Variants in LRP1B observed in about 807,000 individuals in gnomAD.
The protein encoded by LRP1B is LDL receptor related protein 1B.
A neutral mutation model predicts 556.6 loss-of-function variants in LRP1B; 217 were observed. The observed-to-expected ratio is 0.39, with a 90% confidence interval of 0.35 to 0.44. LRP1B has a LOEUF of 0.44. Ranked by LOEUF, LRP1B falls within the 20% of genes least tolerant of loss-of-function variation. LRP1B has a pLI of 1.00. For missense variants in LRP1B, 5,053 were observed against 5,620.8 expected (o/e 0.90, Z 3.23); for synonymous variants, 2,047 against 1,865.8 (o/e 1.10, Z -2.50).
chr2:141,895,100 A>T (rs1025531817), intron 1 of LRP1B, among the ~76,000 whole-genome samples: 1 of 151,926 alleles, frequency 6.6e-6, no homozygotes, highest in African/African-American at 2.4e-5. Flanking sequence ...ACTTATATAT[A>T]ATTTTGATCT....
At chr2:141,837,771 G>A (rs1381645445) in intron 1 of LRP1B, among the ~76,000 whole-genome samples, 1 of 152,064 alleles carries the variant, frequency 6.6e-6, no homozygotes, top group Non-Finnish European at 1.5e-5. Flanking sequence ...TAAAGGACTA[G>A]GTAGATGAAT....
intron 3 of LRP1B, among the ~76,000 whole-genome samples, chr2:141,345,176 A>T (rs868781405): frequency 3.9e-5 from 6 of 151,904 alleles, no homozygotes; most frequent in Middle Eastern, 3.4e-3. Context: ...GGAAAAAAAA[A>T]AAAACCCACA....
intron 35 of LRP1B, among the ~76,000 whole-genome samples, chr2:140,743,282 T>C (rs1309511961): frequency 1.3e-5 from 2 of 152,176 alleles, no homozygotes; most frequent in East Asian, 3.8e-4. Context: ...CATCTTTGTC[T>C]GTGGTTCTAA....
intron 15 of LRP1B, among the ~76,000 whole-genome samples, chr2:141,000,188 G>A (rs1697376767): frequency 6.6e-6 from 1 of 151,838 alleles, no homozygotes; most frequent in South Asian, 2.1e-4. Context: ...CAAAGTGTTG[G>A]GATTACAGCT....
At chr2:142,051,045 G>C (rs1264067963) in intron 1 of LRP1B, among the ~76,000 whole-genome samples, 1 of 152,036 alleles carries the variant, frequency 6.6e-6, no homozygotes, top group Non-Finnish European at 1.5e-5. Context: ...AAAAATGTAA[G>C]ATTGAGAGAA....
intron 43 of LRP1B, among the ~76,000 whole-genome samples, chr2:140,572,108 C>T (rs1681345546): frequency 6.6e-6 from 1 of 151,552 alleles, no homozygotes; most frequent in African/African-American, 2.4e-5. Context: ...AAAAAGACCT[C>T]ACAAACAGAG....
chr2:141,053,979 A>G (rs565756409), intron 10 of LRP1B, among the ~76,000 whole-genome samples: 5 of 152,010 alleles, frequency 3.3e-5, no homozygotes, highest in Non-Finnish European at 7.4e-5. Flanking sequence ...CAGAAGGCCT[A>G]GAAACATGAG....
intron 3 of LRP1B, among the ~76,000 whole-genome samples, chr2:141,465,635 C>T (rs569561537): frequency 1.3e-5 from 2 of 149,946 alleles, no homozygotes; most frequent in African/African-American, 2.5e-5. Flanking sequence ...CTGCAACCTC[C>T]ACCTCCCAGG....
At chr2:141,575,700 G>C (rs1046516372) in intron 2 of LRP1B, among the ~76,000 whole-genome samples, 3 of 148,764 alleles carry the variant, frequency 2.0e-5, no homozygotes, top group Non-Finnish European at 3.0e-5. Flanking sequence ...GCAATCTACT[G>C]ATCTAAGGTC....
intron 35 of LRP1B, among the ~76,000 whole-genome samples, chr2:140,757,658 A>T (rs1478559171): frequency 6.6e-6 from 1 of 152,208 alleles, no homozygotes; most frequent in Non-Finnish European, 1.5e-5. Flanking sequence ...AGGCCGGCGG[A>T]TCATTTGAGG....
chr2:140,803,518 T>TC (rs1334213498), intron 32 of LRP1B, among the ~76,000 whole-genome samples: 2 of 152,008 alleles, frequency 1.3e-5, no homozygotes, highest in African/African-American at 4.8e-5. Context: ...CAGGATGGTC[T>TC]CCATCTCCTG....
chr2:141,576,813 T>A (rs1686768760), intron 2 of LRP1B, among the ~76,000 whole-genome samples: 1 of 150,448 alleles, frequency 6.6e-6, no homozygotes, highest in Admixed American at 6.6e-5. Flanking sequence ...ACTCAGGTCT[T>A]TTCTTTTTTT....
At chr2:141,633,967 G>A (rs753881708) in intron 2 of LRP1B, among the ~76,000 whole-genome samples, 1 of 151,672 alleles carries the variant, frequency 6.6e-6, no homozygotes, top group Non-Finnish European at 1.5e-5. Flanking sequence ...TTGATTCTAC[G>A]GAGATTAACT....
intron 1 of LRP1B, among the ~76,000 whole-genome samples, chr2:142,093,192 G>C (rs564066243): frequency 1.3e-5 from 2 of 152,088 alleles, no homozygotes; most frequent in South Asian, 4.1e-4. Flanking sequence ...CTAACATTGT[G>C]TAGAATTATA....
rs71338143 is a variant in LRP1B at position 141,905,763 on chromosome 2, A to ACGTGTGTGTGTGTGTGT, written c.83-95363_83-95362insACACACACACACACACG. Among the ~76,000 whole-genome samples, 35 of 115,200 alleles carry ACGTGTGTGTGTGTGTGT rather than the reference A, an allele frequency of 3.0e-4. 2 individuals are homozygous for ACGTGTGTGTGTGTGTGT. Among genetic ancestry groups the ACGTGTGTGTGTGTGTGT allele is most frequent in the East Asian group, 8.6e-4 (3 of 3,494 alleles). The allele number at this position is 115,200 out of a possible 152,430, so 75.6% of individuals were successfully genotyped here. On this transcript the variant is annotated intron_variant, in intron 1 of 90. Transcript: ENST00000389484. ...GGGAGAAAATGGATCTGGTTTGAAT[A>ACGTGTGTGTGTGTGTGT]GATGTGTGTGTGTGTGTGTGTGTGT... is the stretch of plus-strand genomic sequence containing the variant.
At chr2:141,571,850 C>G (rs1574091273) in intron 2 of LRP1B, among the ~76,000 whole-genome samples, 2 of 152,018 alleles carry the variant, frequency 1.3e-5, no homozygotes, top group South Asian at 4.2e-4. Context: ...GACCACCTTG[C>G]TGAAATAAGA....
intron 7 of LRP1B, among the ~76,000 whole-genome samples, chr2:141,080,373 T>C (rs1342392795): frequency 1.3e-5 from 2 of 152,200 alleles, no homozygotes; most frequent in Non-Finnish European, 2.9e-5. Context: ...GTTCTGTTTT[T>C]TCTGCATCCT....
intron 1 of LRP1B, among the ~76,000 whole-genome samples, chr2:142,030,950 T>C (rs1249685981): frequency 6.6e-6 from 1 of 151,934 alleles, no homozygotes; most frequent in Non-Finnish European, 1.5e-5. Context: ...TTATCTCAGC[T>C]GATGTCGCAA....
intron 84 of LRP1B, among the ~76,000 whole-genome samples, chr2:140,294,973 T>C (rs1683541258): frequency 6.6e-6 from 1 of 152,092 alleles, no homozygotes; most frequent in Admixed American, 6.6e-5. Flanking sequence ...ACCTCCTGGG[T>C]TCACGCCATC....
Sources: gnomAD v4.1 joint callset for allele counts (sites outside exome capture counted in the v4.1 genomes callset) on GRCh38, gnomAD v4.1.1 for gene constraint, MANE v1.5 for transcripts, NCBI Gene and HGNC (gene_info 2026-07-23, HGNC 2026-07-21) for gene names.